Variants in RPS6KA5 observed in about 807,000 individuals in gnomAD.
RPS6KA5 encodes ribosomal protein S6 kinase alpha-5.
A neutral mutation model predicts 85.5 loss-of-function variants in RPS6KA5; 27 were observed. The ratio of observed to expected loss-of-function variants is 0.32; its 90% CI spans 0.23 to 0.44. The LOEUF (loss-of-function observed/expected upper bound fraction) is 0.44, where lower values mean the gene tolerates loss of function less well. Among genes scored for constraint, RPS6KA5 ranks in the 20% least tolerant of loss-of-function variants. The probability of loss-of-function intolerance (pLI) is 1.00; values close to 1 mark genes in which losing one functional copy is unlikely to be tolerated. For synonymous variants in RPS6KA5, 334 were observed against 348.2 expected (o/e 0.96, Z 0.46); for missense variants, 811 against 980.9 (o/e 0.83, Z 2.31).
intron 1 of RPS6KA5, among the ~76,000 whole-genome samples, chr14:91,043,010 A>T (rs2042662804): frequency 6.6e-6 from 1 of 151,448 alleles, no homozygotes; most frequent in East Asian, 1.9e-4. Flanking sequence ...ACCTGCATTC[A>T]CTCCTCAATC....
At chr14:90,892,738 C>T (rs1674696832) in intron 13 of RPS6KA5, among the ~76,000 whole-genome samples, 1 of 152,116 alleles carries the variant, frequency 6.6e-6, no homozygotes, top group Admixed American at 6.5e-5. Context: ...CTTAAAGTGC[C>T]ACATGGGAAA....
intron 3 of RPS6KA5, among the ~76,000 whole-genome samples, chr14:90,957,537 G>A (rs2140407540): frequency 1.3e-5 from 2 of 152,220 alleles, no homozygotes; most frequent in South Asian, 4.2e-4. Context: ...GATCTGTTAG[G>A]CTGTCTGCCT....
chr14:90,886,764 C>T (rs12432963), intron 14 of RPS6KA5, among the ~76,000 whole-genome samples: 1 of 152,172 alleles, frequency 6.6e-6, no homozygotes, highest in Non-Finnish European at 1.5e-5. Flanking sequence ...TTACAGCAGC[C>T]TAAGCAGATT....
intron 1 of RPS6KA5, among the ~76,000 whole-genome samples, chr14:91,019,476 C>A (rs2139782755): frequency 6.6e-6 from 1 of 152,300 alleles, no homozygotes; most frequent in Non-Finnish European, 1.5e-5. Flanking sequence ...GGTCTCCAGA[C>A]TCAAATGGGA....
intron 1 of RPS6KA5, among the ~76,000 whole-genome samples, chr14:91,048,852 T>C (rs2042965206): frequency 6.6e-6 from 1 of 152,194 alleles, no homozygotes; most frequent in East Asian, 1.9e-4. Flanking sequence ...TAACACATGA[T>C]GTTATTATGT....
intron 1 of RPS6KA5, among the ~76,000 whole-genome samples, chr14:91,005,658 T>C (rs1254735511): frequency 6.6e-6 from 1 of 152,348 alleles, no homozygotes; most frequent in South Asian, 2.1e-4. Context: ...GGTGTCTAAA[T>C]AGTTTTCATT....
At chr14:90,875,443 G>T in intron 14 of RPS6KA5, 83 bp from the exon 15 acceptor site, 1 of 1,267,928 alleles carries the variant, frequency 7.9e-7, no homozygotes, top group South Asian at 1.5e-5. Context: ...AACGTAACTG[G>T]TGTAATTTAC....
rs1430906515 is a variant in RPS6KA5 at position 91,019,780 on chromosome 14, T to C, written c.104-18621A>G. Among the ~76,000 whole-genome samples the C allele has an allele frequency of 7.2e-5, 11 of 152,356 alleles. No homozygotes were observed. In the East Asian group the frequency reaches 2.1e-3, roughly 29 times the overall value. On this transcript the variant is annotated intron_variant, in intron 1 of 16. Transcript: ENST00000614987. ...ATCTTAGGATATTTTCAACTTATAA[T>C]GGTGTTATCGGAACATAACCTCATT... is the stretch of plus-strand genomic sequence containing the variant.
At chr14:90,900,463 G>A (rs1595162370) in intron 10 of RPS6KA5, 148 bp downstream of exon 10, 2 of 773,398 alleles carry the variant, frequency 2.6e-6, no homozygotes, top group Admixed American at 3.5e-5. Context: ...TCAACTTGAC[G>A]TTAATTCTCT....
At chr14:91,000,702 T>A (rs770277487) in intron 2 of RPS6KA5, among the ~76,000 whole-genome samples, 6 of 152,092 alleles carry the variant, frequency 3.9e-5, no homozygotes, top group Non-Finnish European at 8.8e-5. Context: ...CTCAGGAGGC[T>A]GAGGCAGGAG....
chr14:91,032,518 A>C (rs928143205), intron 1 of RPS6KA5, among the ~76,000 whole-genome samples: 2 of 152,052 alleles, frequency 1.3e-5, no homozygotes, highest in African/African-American at 4.8e-5. Context: ...GAATCAATTA[A>C]AAAAAAACTA....
At chr14:90,979,338 C>T (rs1360914377) in intron 2 of RPS6KA5, among the ~76,000 whole-genome samples, 1 of 152,216 alleles carries the variant, frequency 6.6e-6, no homozygotes, top group Admixed American at 6.5e-5. Flanking sequence ...AAAACAAAAA[C>T]ACTTTGGGAA....
At chr14:91,034,288 G>T (rs2042308433) in intron 1 of RPS6KA5, among the ~76,000 whole-genome samples, 1 of 143,388 alleles carries the variant, frequency 7.0e-6, no homozygotes. Context: ...CTGGGAGACA[G>T]AAGTAAAAAC....
intron 2 of RPS6KA5, among the ~76,000 whole-genome samples, chr14:90,985,091 G>A (rs940867609): frequency 4.6e-5 from 7 of 151,854 alleles, no homozygotes; most frequent in African/African-American, 7.3e-5. Context: ...CAACGCATGC[G>A]CCACCACGCC....
At chr14:90,978,740 A>C (rs1286080) in intron 2 of RPS6KA5, among the ~76,000 whole-genome samples, 104,153 of 151,650 alleles carry the variant, frequency 0.69, 35,972 homozygotes, top group East Asian at 0.88. Flanking sequence ...CTAACCACTG[A>C]TGACAAAATT....
At chr14:90,887,945 C>CAAAAAA (rs34947711) in intron 14 of RPS6KA5, among the ~76,000 whole-genome samples, 2 of 42,768 alleles carry the variant, frequency 4.7e-5, no homozygotes, top group Non-Finnish European at 7.4e-5. Context: ...GAGGCTATCG[C>CAAAAAA]AAAAAAAAAA....
At chr14:91,010,187 AAGG>A (rs983312553) in intron 1 of RPS6KA5, among the ~76,000 whole-genome samples, 8 of 152,188 alleles carry the variant, frequency 5.3e-5, no homozygotes, top group African/African-American at 1.2e-4. Context: ...TAAAGTTTAA[AAGG>A]AGGAGATATT....
At chr14:90,923,273 T>C in intron 5 of RPS6KA5, 77 bp from the exon 6 acceptor site, 2 of 1,166,824 alleles carry the variant, frequency 1.7e-6, no homozygotes, top group Non-Finnish European at 2.5e-6. Context: ...TAATACATGT[T>C]AGTGGTTGAG....
At chr14:90,918,930 T>A (rs1043739625) in intron 7 of RPS6KA5, among the ~76,000 whole-genome samples, 2 of 152,164 alleles carry the variant, frequency 1.3e-5, no homozygotes, top group Non-Finnish European at 2.9e-5. Context: ...CTATTCTAGG[T>A]CCTCTGCATT....
Sources: gnomAD v4.1 joint callset for allele counts (sites outside exome capture counted in the v4.1 genomes callset) on GRCh38, gnomAD v4.1.1 for gene constraint, MANE v1.5 for transcripts, NCBI Gene and HGNC (gene_info 2026-07-23, HGNC 2026-07-21) for gene names.